Variants in NCOA2 observed in about 807,000 individuals in gnomAD.
The protein encoded by NCOA2 is class E basic helix-loop-helix protein 75.
NCOA2 carries 21 observed loss-of-function variants against 145.1 expected under a neutral mutation model. That is an observed-to-expected ratio of 0.14 (90% CI 0.10 to 0.21). The LOEUF is 0.21. NCOA2 is among the 10% of genes least tolerant of loss of function. The pLI, the probability that NCOA2 is intolerant of heterozygous loss-of-function variation, is 1.00. For missense variants in NCOA2, 1,472 were observed against 1,837.6 expected (o/e 0.80, Z 3.64); for synonymous variants, 619 against 637.5 (o/e 0.97, Z 0.44).
intron 5 of NCOA2, among the ~76,000 whole-genome samples, chr8:70,173,147 G>C (rs1814439416): frequency 6.6e-6 from 1 of 152,168 alleles, no homozygotes; most frequent in Admixed American, 6.5e-5. Context: ...AGACTATTCT[G>C]AATGACAAAA....
chr8:70,331,876 T>C (rs766416720), intron 1 of NCOA2, among the ~76,000 whole-genome samples: 35 of 152,142 alleles, frequency 2.3e-4, no homozygotes, highest in Non-Finnish European at 2.6e-4. Flanking sequence ...ATAGACAAAC[T>C]ACACTTTTAA....
At chr8:70,455,640 T>C in the NCOA2 span, among the ~76,000 whole-genome samples, 20 of 150,706 alleles carry the variant, frequency 1.3e-4, no homozygotes, top group Admixed American at 1.1e-3. Context: ...CTACAAAGGC[T>C]GGAAAAAAAA....
chr8:70,228,124 T>C (rs1820823985), intron 2 of NCOA2, among the ~76,000 whole-genome samples: 2 of 151,832 alleles, frequency 1.3e-5, no homozygotes, highest in South Asian at 4.2e-4. Flanking sequence ...AATTTGAAAA[T>C]TACCTTGGCA....
In NCOA2 at chr8:70,198,597, T is replaced by G. The variant is rs528909516; in HGVS notation, c.259+15306A>C. On this transcript the variant is annotated intron_variant, in intron 4 of 22. Coordinates refer to ENST00000452400, the MANE Select transcript of NCOA2 (RefSeq NM_006540.4). ...AGAGATGAGTTAAGGTGAGAAAAGA[T>G]GTCTTAAATTAGAGTGCTGAAAATA... Among the ~76,000 whole-genome samples the G allele has an allele frequency of 2.6e-5, 4 of 152,246 alleles. No individual in the cohort carries two copies. In the East Asian group the frequency reaches 7.7e-4, roughly 29 times the overall value.
chr8:70,118,135 A>C (rs569533698), intron 22 of NCOA2, among the ~76,000 whole-genome samples: 1 of 152,278 alleles, frequency 6.6e-6, no homozygotes, highest in East Asian at 1.9e-4. Flanking sequence ...CCGCATGATG[A>C]AGGGTGAGGC....
intron 2 of NCOA2, among the ~76,000 whole-genome samples, chr8:70,233,325 T>G (rs1466892787): frequency 6.6e-6 from 1 of 152,204 alleles, no homozygotes; most frequent in Non-Finnish European, 1.5e-5. Flanking sequence ...ATTTCTGCAG[T>G]GAAATGTATG....
intron 4 of NCOA2, among the ~76,000 whole-genome samples, chr8:70,179,457 A>AT (rs1815233561): frequency 6.6e-6 from 1 of 152,004 alleles, no homozygotes; most frequent in African/African-American, 2.4e-5. Flanking sequence ...AAAGAAAAGG[A>AT]CTCTTTAGAG....
intron 15 of NCOA2, among the ~76,000 whole-genome samples, chr8:70,133,828 A>G (rs1182946080): frequency 6.6e-6 from 1 of 152,236 alleles, no homozygotes; most frequent in Non-Finnish European, 1.5e-5. Flanking sequence ...CTGAAGTGCT[A>G]GCACTGAAAC....
chr8:70,356,773 T>C (rs1809736937), intron 1 of NCOA2, among the ~76,000 whole-genome samples: 1 of 152,248 alleles, frequency 6.6e-6, no homozygotes. Context: ...GTATGTATAC[T>C]ACCATAATGC....
intron 2 of NCOA2, among the ~76,000 whole-genome samples, chr8:70,239,776 C>T (rs528789236): frequency 3.9e-5 from 6 of 152,204 alleles, no homozygotes; most frequent in African/African-American, 1.4e-4. Context: ...GAGAAAACAA[C>T]AGCTAAAAAG....
intron 2 of NCOA2, among the ~76,000 whole-genome samples, chr8:70,265,423 C>A (rs907686697): frequency 1.3e-5 from 2 of 152,052 alleles, no homozygotes; most frequent in African/African-American, 4.8e-5. Context: ...TATGACAGCA[C>A]GAGCTGAAAC....
intron 10 of NCOA2, among the ~76,000 whole-genome samples, chr8:70,158,311 CATAA>C (rs1340689078): frequency 2.6e-5 from 4 of 152,148 alleles, no homozygotes; most frequent in African/African-American, 9.7e-5. Flanking sequence ...ACAGCATAAG[CATAA>C]ATATTTAGAT....
intron 1 of NCOA2, among the ~76,000 whole-genome samples, chr8:70,362,852 A>C (rs1182271068): frequency 6.6e-6 from 1 of 150,502 alleles, no homozygotes; most frequent in Non-Finnish European, 1.5e-5. Context: ...CCAAGGTGGG[A>C]GGACTGTTTA....
chr8:70,319,278 A>T (rs1805857437), intron 1 of NCOA2, among the ~76,000 whole-genome samples: 1 of 152,170 alleles, frequency 6.6e-6, no homozygotes, highest in Non-Finnish European at 1.5e-5. Flanking sequence ...ATGGTGGCTA[A>T]CACCTGTAAT....
chr8:70,233,587 T>G (rs1821335976), intron 2 of NCOA2, among the ~76,000 whole-genome samples: 1 of 152,210 alleles, frequency 6.6e-6, no homozygotes, highest in African/African-American at 2.4e-5. Context: ...GACATTCAAA[T>G]GCCAACCTAC....
the NCOA2 span, among the ~76,000 whole-genome samples, chr8:70,409,050 G>C: frequency 6.6e-6 from 1 of 152,036 alleles, no homozygotes; most frequent in African/African-American, 2.4e-5. Flanking sequence ...ACCATCCTGG[G>C]CAACAGAAAT....
chr8:70,254,909 T>C (rs1318540923), intron 2 of NCOA2, among the ~76,000 whole-genome samples: 2 of 152,196 alleles, frequency 1.3e-5, no homozygotes, highest in Non-Finnish European at 2.9e-5. Context: ...CTAATATAAA[T>C]ATTTCTTTAC....
intron 2 of NCOA2, among the ~76,000 whole-genome samples, chr8:70,252,467 A>G (rs1399333230): frequency 6.6e-6 from 1 of 152,222 alleles, no homozygotes; most frequent in East Asian, 1.9e-4. Flanking sequence ...TCAGGGTACA[A>G]CATATGCTCT....
At chr8:70,284,310 T>A (rs1283809569) in intron 2 of NCOA2, among the ~76,000 whole-genome samples, 1 of 152,190 alleles carries the variant, frequency 6.6e-6, no homozygotes, top group African/African-American at 2.4e-5. Context: ...TTCACTCCTA[T>A]TCTCCCTCTA....
Sources: allele counts gnomAD v4.1 joint callset (sites outside exome capture counted in the v4.1 genomes callset), GRCh38; gene constraint gnomAD v4.1.1; transcripts MANE v1.5; gene names NCBI Gene and HGNC (gene_info 2026-07-23, HGNC 2026-07-21).